The following INO80 variants were observed in gnomAD, a reference collection of about 807,000 sequenced individuals.
INO80 encodes the protein chromatin-remodeling ATPase INO80.
INO80 carries 20 observed loss-of-function variants against 203.4 expected under a neutral mutation model. The ratio of observed to expected loss-of-function variants is 0.10; its 90% CI spans 0.07 to 0.14. The LOEUF is 0.14. Ranked by LOEUF, INO80 falls within the 10% of genes least tolerant of loss-of-function variation. The pLI is 1.00. For missense variants in INO80, 1,419 were observed against 1,914.4 expected, an observed-to-expected ratio of 0.74 and a Z score of 4.83; for synonymous variants, 726 against 685.2, an observed-to-expected ratio of 1.06 and a Z score of -0.93.
At chr15:41,085,741 G>C (rs1300242144) in intron 6 of INO80, among the ~76,000 whole-genome samples, 158 bp from the exon 7 acceptor site, 1 of 152,116 alleles carries the variant, frequency 6.6e-6, no homozygotes, top group Non-Finnish European at 1.5e-5. Context: ...CCTTGAGGAA[G>C]AAAAGTAACA....
chr15:41,076,119 G>C (rs147940667), intron 9 of INO80, among the ~76,000 whole-genome samples: 4 of 152,060 alleles, frequency 2.6e-5, no homozygotes, highest in African/African-American at 9.6e-5. Context: ...CCGGCACTTT[G>C]GGAGACCAAG....
At chr15:41,055,213 G>A (rs1189256727) in intron 18 of INO80, 34 bp downstream of exon 18, 1 of 1,213,538 alleles carries the variant, frequency 8.2e-7, no homozygotes, top group East Asian at 2.4e-5. Context: ...TACACTGATA[G>A]GTAGATAGAA....
intron 7 of INO80, among the ~76,000 whole-genome samples, chr15:41,084,431 T>C (rs1415875047): frequency 6.6e-6 from 1 of 152,078 alleles, no homozygotes; most frequent in Non-Finnish European, 1.5e-5. Context: ...TGGTGGCATC[T>C]GCCTGTAGCC....
intron 12 of INO80, among the ~76,000 whole-genome samples, chr15:41,071,451 T>C: frequency 8.3e-6 from 1 of 120,616 alleles, no homozygotes; most frequent in Non-Finnish European, 1.6e-5. Context: ...TCATTTCCTT[T>C]TTTTTTTTTT....
intron 24 of INO80, among the ~76,000 whole-genome samples, chr15:41,036,485 C>G (rs2044578536): frequency 6.6e-6 from 1 of 152,150 alleles, no homozygotes; most frequent in African/African-American, 2.4e-5. Flanking sequence ...AACAGATTAC[C>G]TATCCTGCCC....
intron 26 of INO80, chr15:41,018,351 C>T (rs867325560): frequency 6.6e-6 from 1 of 152,204 alleles, no homozygotes; most frequent in Non-Finnish European, 1.5e-5. Flanking sequence ...CCCACATCTA[C>T]TTTACTTTGC....
chr15:41,008,175 T>A (rs1284257561), intron 27 of INO80, among the ~76,000 whole-genome samples: 1 of 149,766 alleles, frequency 6.7e-6, no homozygotes, highest in Non-Finnish European at 1.5e-5. Flanking sequence ...TGTCTCAAAA[T>A]AAACAAACAA....
intron 25 of INO80, among the ~76,000 whole-genome samples, chr15:41,021,633 T>C (rs764558058): frequency 6.6e-6 from 1 of 152,226 alleles, no homozygotes; most frequent in African/African-American, 2.4e-5. Context: ...TCCTCTTCCC[T>C]GACCAGGTTG....
chr15:41,035,716 G>A (rs1187157394), intron 24 of INO80, among the ~76,000 whole-genome samples: 1 of 149,388 alleles, frequency 6.7e-6, no homozygotes, highest in Admixed American at 6.8e-5. Context: ...CAGCTACTCG[G>A]GAGGCTGACG....
In INO80 at chr15:40,983,769, G is replaced by C; in HGVS notation, c.4230C>G (p.Thr1410=). ...PASITGSVSD[T]VNGISIQEMP... ...CAAGACAGCAGCAATTACCATTCAC[G>C]GTATCTGAGACGGAGCCTGTTATGG... The change falls in exon 34 of 36, where the codon ACC becomes ACG. Residue 1410 remains threonine (T), a synonymous_variant. Coordinates refer to ENST00000648947, the MANE Select transcript of INO80 (RefSeq NM_017553.3). 1 of 1,612,258 alleles carries C rather than the reference G, an allele frequency of 6.2e-7. No individual in the cohort carries two copies. Among genetic ancestry groups the C allele is most frequent in the Non-Finnish European group, 8.5e-7 (1 of 1,179,968 alleles).
Position 41,063,795 on chromosome 15 carries a change from T to C in INO80, c.1783-3869A>G, listed in dbSNP as rs375491029. Among the ~76,000 whole-genome samples the C allele has an allele frequency of 2.4e-4, 36 of 151,782 alleles. No homozygotes were observed. In the East Asian group the frequency reaches 2.5e-3, roughly 11 times the overall value. On this transcript the variant is annotated intron_variant, in intron 14 of 35. Transcript: ENST00000648947. ...AAAGAGAAATGCACCATAAATGATG[T>C]AAAATGATTACAAATAAAAGGAAGA... is the stretch of plus-strand genomic sequence containing the variant.
intron 27 of INO80, among the ~76,000 whole-genome samples, chr15:41,014,713 T>C (rs1160799791): frequency 6.6e-6 from 1 of 152,170 alleles, no homozygotes. Context: ...CATTTATGTC[T>C]CTTGCTAAAA....
At chr15:41,088,576 T>C (rs1033045397) in intron 5 of INO80, among the ~76,000 whole-genome samples, 1 of 152,312 alleles carries the variant, frequency 6.6e-6, no homozygotes, top group Non-Finnish European at 1.5e-5. Flanking sequence ...ACGTAACTCT[T>C]TCCATCCAGG....
intron 7 of INO80, among the ~76,000 whole-genome samples, chr15:41,083,459 A>C (rs2140633536): frequency 6.6e-6 from 1 of 152,164 alleles, no homozygotes. Context: ...TAATTCCAGC[A>C]CTTTGGAAAG....
At chr15:40,985,928 T>G (rs1447883863) in intron 31 of INO80, among the ~76,000 whole-genome samples, 1 of 152,194 alleles carries the variant, frequency 6.6e-6, no homozygotes, top group Admixed American at 6.5e-5. Context: ...ATTATAGGCC[T>G]TTCCTCATGT....
intron 24 of INO80, among the ~76,000 whole-genome samples, chr15:41,034,243 G>A (rs187559709): frequency 1.9e-3 from 286 of 152,232 alleles, no homozygotes; most frequent in African/African-American, 6.3e-3. Flanking sequence ...TTCACCATAG[G>A]GTGGGTGAGT....
chr15:40,981,077 T>C (rs1313687331), intron 35 of INO80, among the ~76,000 whole-genome samples: 1 of 152,244 alleles, frequency 6.6e-6, no homozygotes, highest in Non-Finnish European at 1.5e-5. Context: ...CACTTACATG[T>C]GATAACACAT....
chr15:41,046,338 T>G (rs982068004), intron 23 of INO80, among the ~76,000 whole-genome samples: 2 of 149,228 alleles, frequency 1.3e-5, no homozygotes, highest in Admixed American at 1.3e-4. Context: ...CCAGTGATTC[T>G]CCCACCTCGG....
At chr15:41,082,229 G>C (rs1304755361) in intron 7 of INO80, among the ~76,000 whole-genome samples, 2 of 130,154 alleles carry the variant, frequency 1.5e-5, no homozygotes, top group African/African-American at 6.0e-5. Flanking sequence ...CAGCCTGGGT[G>C]ACAAGAGCAA....
Sources: gnomAD v4.1 joint callset for allele counts (sites outside exome capture counted in the v4.1 genomes callset) on GRCh38, gnomAD v4.1.1 for gene constraint, MANE v1.5 for transcripts, NCBI Gene and HGNC (gene_info 2026-07-23, HGNC 2026-07-21) for gene names.